The following SGCZ variants were observed in gnomAD, a reference collection of about 807,000 sequenced individuals.
The protein encoded by SGCZ is sarcoglycan zeta, also known as zeta-sarcoglycan.
Under a neutral mutation model 41.3 loss-of-function variants are expected in SGCZ, and 40 were observed. That is an observed-to-expected ratio of 0.97 (90% CI 0.75 to 1.26). SGCZ has a LOEUF of 1.26. Ranked by LOEUF, SGCZ falls within the 50% of genes most tolerant of loss-of-function variation. SGCZ has a pLI of 0.00. For missense variants in SGCZ, 552 were observed against 369.8 expected (o/e 1.49, Z -4.04); for synonymous variants, 206 against 137.5 (o/e 1.50, Z -3.49).
At chr8:14,538,295 G>A (rs1376921464) in intron 2 of SGCZ, among the ~76,000 whole-genome samples, 1 of 151,898 alleles carries the variant, frequency 6.6e-6, no homozygotes, top group South Asian at 2.1e-4. Context: ...CTTTATGTCA[G>A]GCTGTATTTA....
chr8:14,684,153 T>C (rs1180315852), intron 1 of SGCZ, among the ~76,000 whole-genome samples: 1 of 152,192 alleles, frequency 6.6e-6, no homozygotes, highest in African/African-American at 2.4e-5. Context: ...TTAAAAATGA[T>C]TGTTCATTTC....
At chr8:14,847,928 C>A (rs1209858749) in intron 1 of SGCZ, among the ~76,000 whole-genome samples, 1 of 151,774 alleles carries the variant, frequency 6.6e-6, no homozygotes, top group Non-Finnish European at 1.5e-5. Context: ...AAACAGAAGG[C>A]ATCCAGATTG....
Position 14,333,082 on chromosome 8 carries a change from C to G in SGCZ, c.235-8878G>C, listed in dbSNP as rs565057677. Among the ~76,000 whole-genome samples the G allele has an allele frequency of 3.9e-4, 59 of 152,064 alleles. 1 individual carries two copies. The highest frequency in any genetic ancestry group is 3.4e-3 in the Middle Eastern group (1 of 292). On this transcript the variant is annotated intron_variant, in intron 2 of 7. Coordinates refer to ENST00000382080, the MANE Select transcript of SGCZ (RefSeq NM_139167.4). ...ATATTTTTCTACAGGCAATTGGAAT[C>G]ACTGTCAGCAAAAATCAACTGGTAT...
At chr8:14,551,473 T>TAATATATATTATATATATTATATATAA (rs1491107563) in intron 2 of SGCZ, among the ~76,000 whole-genome samples, 1 of 11,534 alleles carries the variant, frequency 8.7e-5, no homozygotes, top group African/African-American at 3.1e-4. Flanking sequence ...ATTATATATA[T>TAATATATATTATATATATTATATATAA]TATATATTAT....
At chr8:14,204,155 C>G (rs1181040935) in intron 4 of SGCZ, among the ~76,000 whole-genome samples, 2 of 151,878 alleles carry the variant, frequency 1.3e-5, no homozygotes, top group Non-Finnish European at 2.9e-5. Flanking sequence ...TTTGCCCCAG[C>G]AACAGTGTGG....
chr8:15,183,580 T>C (rs980951407), intron 1 of SGCZ, among the ~76,000 whole-genome samples: 3 of 152,182 alleles, frequency 2.0e-5, no homozygotes, highest in Admixed American at 2.0e-4. Flanking sequence ...GGCTTTAATT[T>C]AGATGTGAAA....
chr8:14,495,465 T>C (rs1357908197), intron 2 of SGCZ, among the ~76,000 whole-genome samples: 1 of 152,178 alleles, frequency 6.6e-6, no homozygotes, highest in Non-Finnish European at 1.5e-5. Context: ...GACAGTTAAG[T>C]ATCACTGAAA....
At chr8:14,761,893 T>G (rs1210973033) in intron 1 of SGCZ, among the ~76,000 whole-genome samples, 1 of 152,120 alleles carries the variant, frequency 6.6e-6, no homozygotes, top group Admixed American at 6.6e-5. Context: ...AGAATTTCCA[T>G]CAGTAGATTG....
intron 2 of SGCZ, among the ~76,000 whole-genome samples, chr8:14,427,158 G>A (rs1336125111): frequency 6.6e-6 from 1 of 152,072 alleles, no homozygotes; most frequent in Non-Finnish European, 1.5e-5. Flanking sequence ...GAAGCAATGT[G>A]TACACTAAAT....
chr8:14,940,841 G>A (rs1033982029), intron 1 of SGCZ, among the ~76,000 whole-genome samples: 2 of 151,972 alleles, frequency 1.3e-5, no homozygotes, highest in African/African-American at 2.4e-5. Context: ...GACGTTTTAC[G>A]TGTTTTACAA....
intron 2 of SGCZ, among the ~76,000 whole-genome samples, chr8:14,550,615 T>C (rs1365730135): frequency 6.6e-6 from 1 of 151,890 alleles, no homozygotes; most frequent in Non-Finnish European, 1.5e-5. Flanking sequence ...CCCAAAACTG[T>C]TTTTTCCAAC....
intron 4 of SGCZ, among the ~76,000 whole-genome samples, chr8:14,212,648 A>G (rs879794857): frequency 2.0e-5 from 3 of 152,104 alleles, no homozygotes; most frequent in African/African-American, 4.8e-5. Context: ...AATGTCCAAG[A>G]TGCAATTTAA....
intron 1 of SGCZ, among the ~76,000 whole-genome samples, chr8:15,060,363 T>A (rs148145973): frequency 0.08 from 12,203 of 151,800 alleles, 760 homozygotes; most frequent in African/African-American, 0.17. Flanking sequence ...GTTCATGTCC[T>A]TTGTAGGGAC....
Position 15,237,726 on chromosome 8 carries a change from C to T in SGCZ, c.-103G>A, listed in dbSNP as rs1432998309. 1.5e-5 allele frequency: 19 copies of T among 1,257,506 alleles called. No individual in the cohort carries two copies. The South Asian group carries it at 2.2e-4, about 15-fold the overall frequency. 77.9% of individuals were successfully genotyped at this position (1,257,506 alleles called of 1,614,324 possible). ...AAACTCAGCTTTATCCTCCTCCAAGCCCCGGCAGCTCCTCTCAGTCTCATT... is the reference window on the plus strand; with the variant it reads ...AAACTCAGCTTTATCCTCCTCCAAGTCCCGGCAGCTCCTCTCAGTCTCATT... On this transcript the variant is annotated 5_prime_UTR_variant, in exon 1 of 8. Transcript: ENST00000382080.
At chr8:14,633,727 T>C (rs2117404962) in intron 1 of SGCZ, among the ~76,000 whole-genome samples, 2 of 152,000 alleles carry the variant, frequency 1.3e-5, no homozygotes, top group Admixed American at 1.3e-4. Flanking sequence ...TCAACAAGTT[T>C]AGCCTCCAGG....
intron 3 of SGCZ, among the ~76,000 whole-genome samples, chr8:14,295,261 G>A (rs1011635921): frequency 1.1e-4 from 16 of 152,054 alleles, no homozygotes; most frequent in African/African-American, 2.9e-4. Flanking sequence ...CCCATGAAAG[G>A]GAACAAGATT....
At chr8:14,596,985 G>C (rs1805433539) in intron 1 of SGCZ, among the ~76,000 whole-genome samples, 1 of 152,120 alleles carries the variant, frequency 6.6e-6, no homozygotes, top group African/African-American at 2.4e-5. Context: ...TGAAATCTAA[G>C]TAATGGTATA....
At chr8:14,245,106 C>T (rs1039241876) in intron 3 of SGCZ, among the ~76,000 whole-genome samples, 10 of 152,142 alleles carry the variant, frequency 6.6e-5, no homozygotes, top group African/African-American at 2.4e-4. Context: ...GCCTAATTGC[C>T]CTGGCCAGAA....
chr8:14,787,848 A>G (rs140778434), intron 1 of SGCZ, among the ~76,000 whole-genome samples: 2 of 151,108 alleles, frequency 1.3e-5, no homozygotes, highest in Non-Finnish European at 3.0e-5. Flanking sequence ...CTCCATTTCA[A>G]AAAAAAAAGG....
Sources: allele counts gnomAD v4.1 joint callset (sites outside exome capture counted in the v4.1 genomes callset), GRCh38; gene constraint gnomAD v4.1.1; transcripts MANE v1.5; gene names NCBI Gene and HGNC (gene_info 2026-07-23, HGNC 2026-07-21).